Variants in PTPRM observed in about 807,000 individuals in gnomAD.
The protein encoded by PTPRM is protein tyrosine phosphatase receptor type M.
A neutral mutation model predicts 186.7 loss-of-function variants in PTPRM; 47 were observed. That is an observed-to-expected ratio of 0.25 (90% confidence interval 0.20 to 0.32). PTPRM has a LOEUF of 0.32. PTPRM is among the 10% of genes least tolerant of loss of function. The pLI is 1.00. For synonymous variants in PTPRM, 668 were observed against 674.9 expected, an observed-to-expected ratio of 0.99 and a Z score of 0.16; for missense variants, 1,494 against 1,865.0, an observed-to-expected ratio of 0.80 and a Z score of 3.66.
At chr18:7,881,700 G>C (rs903199195) in intron 2 of PTPRM, among the ~76,000 whole-genome samples, 1 of 152,044 alleles carries the variant, frequency 6.6e-6, no homozygotes, top group African/African-American at 2.4e-5. Flanking sequence ...TTTTGTTCCC[G>C]TACCCTCTTC....
At chr18:7,814,567 C>G (rs2044704547) in intron 2 of PTPRM, 2 of 152,176 alleles carry the variant, frequency 1.3e-5, no homozygotes, top group Non-Finnish European at 2.9e-5. Context: ...ACCTAATTCA[C>G]TGGAGAGGGA....
intron 7 of PTPRM, among the ~76,000 whole-genome samples, chr18:7,996,191 AAAAT>A (rs994022990): frequency 1.3e-5 from 2 of 151,930 alleles, no homozygotes; most frequent in South Asian, 2.1e-4. Flanking sequence ...CTTAAAAAAA[AAAAT>A]AAATAAACAC....
At chr18:8,000,034 G>A (rs951858737) in intron 7 of PTPRM, among the ~76,000 whole-genome samples, 1 of 152,152 alleles carries the variant, frequency 6.6e-6, no homozygotes, top group South Asian at 2.1e-4. Context: ...GTTCAGAAGC[G>A]GTCAGGCAAG....
At chr18:7,687,227 A>G (rs941561139) in intron 1 of PTPRM, among the ~76,000 whole-genome samples, 12 of 152,204 alleles carry the variant, frequency 7.9e-5, no homozygotes, top group Non-Finnish European at 1.8e-4. Flanking sequence ...ACAGAATTCT[A>G]TACTTAAAAT....
At chr18:8,283,235 T>C (rs965774004) in intron 19 of PTPRM, among the ~76,000 whole-genome samples, 1 of 152,220 alleles carries the variant, frequency 6.6e-6, no homozygotes, top group African/African-American at 2.4e-5. Flanking sequence ...GGTGTAATCA[T>C]TGGGGAAAAC....
chr18:8,258,233 G>T (rs903284166), intron 19 of PTPRM, among the ~76,000 whole-genome samples: 1 of 152,184 alleles, frequency 6.6e-6, no homozygotes, highest in Non-Finnish European at 1.5e-5. Flanking sequence ...CAAGCAAAGG[G>T]CAGTCTGTGC....
intron 17 of PTPRM, among the ~76,000 whole-genome samples, chr18:8,251,415 C>T (rs2094527241): frequency 6.6e-6 from 1 of 152,192 alleles, no homozygotes; most frequent in Admixed American, 6.5e-5. Context: ...GGATTCGGTA[C>T]TTCAGCAGGG....
At chr18:7,838,227 C>G (rs1329590705) in intron 2 of PTPRM, among the ~76,000 whole-genome samples, 1 of 152,140 alleles carries the variant, frequency 6.6e-6, no homozygotes, top group African/African-American at 2.4e-5. Flanking sequence ...AAGTGCTGAG[C>G]AAAGGGGGAA....
chr18:8,058,570 G>T, intron 7 of PTPRM, among the ~76,000 whole-genome samples: 1 of 33,172 alleles, frequency 3.0e-5, no homozygotes, highest in Non-Finnish European at 5.5e-5. Context: ...TTTTCTTCTA[G>T]GGTTTTTATG....
At chr18:8,013,384 G>A (rs2084661064) in intron 7 of PTPRM, among the ~76,000 whole-genome samples, 2 of 152,016 alleles carry the variant, frequency 1.3e-5, no homozygotes, top group African/African-American at 2.4e-5. Context: ...ATAAACCATC[G>A]ATTAACACAT....
intron 1 of PTPRM, among the ~76,000 whole-genome samples, chr18:7,659,155 C>CACACACACACACACAA (rs1305244376): frequency 6.8e-6 from 1 of 147,198 alleles, no homozygotes; most frequent in African/African-American, 2.6e-5. Context: ...CACACACACA[C>CACACACACACACACAA]AATCTCCCTT....
chr18:8,306,298 C>T (rs541934044), intron 20 of PTPRM, among the ~76,000 whole-genome samples: 4 of 152,142 alleles, frequency 2.6e-5, no homozygotes, highest in African/African-American at 9.7e-5. Context: ...AGGAAAGTAG[C>T]CCCTTGTCAC....
At chr18:7,587,343 A>G (rs2037005301) in intron 1 of PTPRM, among the ~76,000 whole-genome samples, 1 of 152,052 alleles carries the variant, frequency 6.6e-6, no homozygotes. Context: ...ATCTTTGTTC[A>G]TATAAATAGA....
intron 3 of PTPRM, among the ~76,000 whole-genome samples, chr18:7,888,899 T>G (rs2048919200): frequency 6.6e-6 from 1 of 152,144 alleles, no homozygotes; most frequent in African/African-American, 2.4e-5. Context: ...TTTTTACTTA[T>G]AAGTAGGAGC....
rs2095353437 is a variant in PTPRM at position 8,322,724 on chromosome 18, C to A, written c.2956+3510C>A. On this transcript the variant is annotated intron_variant, in intron 22 of 32. Coordinates refer to ENST00000580170, the MANE Select transcript of PTPRM (RefSeq NM_001105244.2). ...CCTTGGAGATTATGTGGCCTGCAAG[C>A]TGGATGAAGCCACACACATAAGAAC... Among the ~76,000 whole-genome samples, 8 of 152,192 alleles carry A rather than the reference C, an allele frequency of 5.3e-5. No homozygotes were observed. In the South Asian group the frequency reaches 1.7e-3, roughly 32 times the overall value.
intron 1 of PTPRM, among the ~76,000 whole-genome samples, chr18:7,611,003 T>C (rs1165809165): frequency 6.6e-6 from 1 of 152,154 alleles, no homozygotes; most frequent in African/African-American, 2.4e-5. Flanking sequence ...GACAGTGATG[T>C]GGATGGTCCT....
intron 1 of PTPRM, among the ~76,000 whole-genome samples, chr18:7,694,806 T>G: frequency 6.6e-6 from 1 of 152,298 alleles, no homozygotes; most frequent in African/African-American, 2.4e-5. Flanking sequence ...ATGAAACATT[T>G]ATAGCTCTTT....
chr18:8,327,832 T>C (rs1469408696), intron 22 of PTPRM, among the ~76,000 whole-genome samples: 1 of 152,240 alleles, frequency 6.6e-6, no homozygotes, highest in Admixed American at 6.5e-5. Context: ...GGCTCTACCC[T>C]GACCCTGTTT....
intron 32 of PTPRM, chr18:8,403,744 C>G (rs1285780719): frequency 2.6e-5 from 4 of 152,218 alleles, no homozygotes; most frequent in Non-Finnish European, 4.4e-5. Context: ...CACTTCCAGG[C>G]TCTGGCAACC....
Sources: gnomAD v4.1 joint callset for allele counts (sites outside exome capture counted in the v4.1 genomes callset) on GRCh38, gnomAD v4.1.1 for gene constraint, MANE v1.5 for transcripts, NCBI Gene and HGNC (gene_info 2026-07-23, HGNC 2026-07-21) for gene names.